The following PTPRD variants were observed in gnomAD, a reference collection of about 807,000 sequenced individuals.
PTPRD encodes protein tyrosine phosphatase receptor type D.
A neutral mutation model predicts 214.5 loss-of-function variants in PTPRD; 34 were observed. The observed-to-expected ratio is 0.16, with a 90% confidence interval of 0.12 to 0.21. PTPRD has a LOEUF of 0.21. Among genes scored for constraint, PTPRD ranks in the 10% least tolerant of loss-of-function variants. The pLI, the probability that PTPRD is intolerant of heterozygous loss-of-function variation, is 1.00. For synonymous variants in PTPRD, 1,128 were observed against 845.7 expected, an observed-to-expected ratio of 1.33 and a Z score of -5.79; for missense variants, 2,545 against 2,398.7, an observed-to-expected ratio of 1.06 and a Z score of -1.27.
chr9:8,893,323 A>C (rs1165589648), intron 11 of PTPRD, among the ~76,000 whole-genome samples: 1 of 152,164 alleles, frequency 6.6e-6, no homozygotes, highest in African/African-American at 2.4e-5. Context: ...GGAGACAGAA[A>C]GAGATAAAAA....
At chr9:10,355,629 C>A (rs184576902) in intron 2 of PTPRD, among the ~76,000 whole-genome samples, 306 of 152,098 alleles carry the variant, frequency 2.0e-3, no homozygotes, top group Admixed American at 2.0e-3. Flanking sequence ...CAGGCATGCA[C>A]GACCATGTCC....
intron 7 of PTPRD, among the ~76,000 whole-genome samples, chr9:9,647,173 TTC>T (rs1491298492): frequency 1.3e-5 from 2 of 151,880 alleles, no homozygotes; most frequent in African/African-American, 4.8e-5. Flanking sequence ...TATTGCATCT[TTC>T]CCCCCCCTCT....
intron 12 of PTPRD, among the ~76,000 whole-genome samples, chr9:8,724,544 T>C (rs141940600): frequency 7.2e-5 from 11 of 152,274 alleles, no homozygotes; most frequent in African/African-American, 2.6e-4. Flanking sequence ...TGTCTTCCTA[T>C]AGCAGCTTAA....
At chr9:9,658,079 T>G (rs2096555103) in intron 7 of PTPRD, among the ~76,000 whole-genome samples, 1 of 152,228 alleles carries the variant, frequency 6.6e-6, no homozygotes, top group Non-Finnish European at 1.5e-5. Context: ...ACAATGATTC[T>G]TCTATGTATT....
chr9:10,529,974 C>G (rs112892599), intron 2 of PTPRD, among the ~76,000 whole-genome samples: 1 of 150,298 alleles, frequency 6.7e-6, no homozygotes, highest in South Asian at 2.1e-4. Flanking sequence ...AAGACCTAGA[C>G]GACAGGTTGT....
intron 3 of PTPRD, among the ~76,000 whole-genome samples, chr9:10,291,466 C>G (rs544255904): frequency 2.0e-5 from 3 of 152,068 alleles, no homozygotes; most frequent in East Asian, 3.9e-4. Flanking sequence ...TTTGGGTGGA[C>G]CCTACATATA....
intron 7 of PTPRD, among the ~76,000 whole-genome samples, chr9:9,579,868 C>G (rs2090190964): frequency 1.3e-5 from 2 of 152,146 alleles, no homozygotes; most frequent in Non-Finnish European, 2.9e-5. Context: ...CCCTTACCCT[C>G]TGAGTTTCCA....
At chr9:8,706,734 G>A (rs2098218374) in intron 12 of PTPRD, among the ~76,000 whole-genome samples, 2 of 152,162 alleles carry the variant, frequency 1.3e-5, no homozygotes, top group South Asian at 4.1e-4. Flanking sequence ...AACAATGAAA[G>A]CTAATTGCCA....
At chr9:9,418,908 G>A (rs2077786530) in intron 8 of PTPRD, among the ~76,000 whole-genome samples, 1 of 151,788 alleles carries the variant, frequency 6.6e-6, no homozygotes. Flanking sequence ...ATTTGAATTG[G>A]GCTTTTAGTT....
chr9:9,370,334 G>A (rs1342834555), intron 9 of PTPRD, among the ~76,000 whole-genome samples: 2 of 151,968 alleles, frequency 1.3e-5, no homozygotes, highest in African/African-American at 2.4e-5. Flanking sequence ...CACATCCCTT[G>A]TAAGTTGGAT....
intron 3 of PTPRD, among the ~76,000 whole-genome samples, chr9:10,313,841 T>G (rs2096341986): frequency 6.6e-6 from 1 of 151,820 alleles, no homozygotes; most frequent in African/African-American, 2.4e-5. Context: ...CAGAGAGAGA[T>G]GTATAAATGA....
chr9:9,612,476 T>C (rs2094567248), intron 7 of PTPRD, among the ~76,000 whole-genome samples: 1 of 152,080 alleles, frequency 6.6e-6, no homozygotes, highest in Non-Finnish European at 1.5e-5. Flanking sequence ...GAGGCCAGAG[T>C]GCAGGTGTGC....
At chr9:10,147,257 T>C (rs767537074) in intron 3 of PTPRD, among the ~76,000 whole-genome samples, 2 of 140,282 alleles carry the variant, frequency 1.4e-5, no homozygotes, top group East Asian at 2.0e-4. Context: ...AAAAACAACA[T>C]ATAGTTCTTT....
intron 3 of PTPRD, among the ~76,000 whole-genome samples, chr9:10,186,524 C>G (rs1018195642): frequency 2.0e-5 from 3 of 152,054 alleles, no homozygotes; most frequent in African/African-American, 7.2e-5. Context: ...ATCATCTTTA[C>G]GAATCCTCCC....
At chr9:10,268,020 CCTATAATCCCAGTA>C (rs1342014213) in intron 3 of PTPRD, among the ~76,000 whole-genome samples, 1 of 151,692 alleles carries the variant, frequency 6.6e-6, no homozygotes, top group African/African-American at 2.4e-5. Flanking sequence ...GTAGCTCATC[CCTATAATCCCAGTA>C]CTTTGGGATG....
chr9:8,563,172 C>T (rs990195636), intron 14 of PTPRD, among the ~76,000 whole-genome samples: 1 of 152,038 alleles, frequency 6.6e-6, no homozygotes, highest in Non-Finnish European at 1.5e-5. Flanking sequence ...TAAAAGTCTA[C>T]AATAAAAATT....
At chr9:8,907,987 A>G (rs2098720509) in intron 11 of PTPRD, among the ~76,000 whole-genome samples, 1 of 152,172 alleles carries the variant, frequency 6.6e-6, no homozygotes, top group Non-Finnish European at 1.5e-5. Flanking sequence ...AGAGAGTCTC[A>G]TCTAGAAACA....
chr9:10,256,340 TTGATAACAA>T (rs1050275848), intron 3 of PTPRD, among the ~76,000 whole-genome samples: 3 of 151,284 alleles, frequency 2.0e-5, no homozygotes, highest in African/African-American at 7.3e-5. Context: ...AGCTGTCACT[TTGATAACAA>T]TGCCTTTCTC....
chr9:10,298,916 A>G (rs1368224285), intron 3 of PTPRD, among the ~76,000 whole-genome samples: 1 of 152,040 alleles, frequency 6.6e-6, no homozygotes, highest in Non-Finnish European at 1.5e-5. Context: ...TTGCCCATCT[A>G]GTTCATTGAT....
Sources: allele counts gnomAD v4.1 joint callset (sites outside exome capture counted in the v4.1 genomes callset), GRCh38; gene constraint gnomAD v4.1.1; transcripts MANE v1.5; gene names NCBI Gene and HGNC (gene_info 2026-07-23, HGNC 2026-07-21).